PNPLA1: variants seen among roughly 807,000 people sequenced by gnomAD.
PNPLA1 encodes the protein patatin like domain 1, omega-hydroxyceramide transacylase.
A neutral mutation model predicts 51.7 loss-of-function variants in PNPLA1; 36 were observed. The observed-to-expected ratio is 0.70, with a 90% CI of 0.53 to 0.92. PNPLA1 has a LOEUF of 0.92. Ranked by LOEUF, PNPLA1 falls within the 40% of genes least tolerant of loss-of-function variation. The pLI is 0.00. For missense variants in PNPLA1, 658 were observed against 682.5 expected, an observed-to-expected ratio of 0.96 and a Z score of 0.40; for synonymous variants, 293 against 280.1, an observed-to-expected ratio of 1.05 and a Z score of -0.46.
At chr6:36,298,493 C>T (rs1770927667) in intron 5 of PNPLA1, among the ~76,000 whole-genome samples, 1 of 152,176 alleles carries the variant, frequency 6.6e-6, no homozygotes, top group Non-Finnish European at 1.5e-5. Flanking sequence ...TATTGTTGTG[C>T]AGCAGATCTC....
chr6:36,266,796 A>G (rs1483902939), upstream of PNPLA1, among the ~76,000 whole-genome samples: 4 of 152,234 alleles, frequency 2.6e-5, no homozygotes, highest in East Asian at 3.8e-4. Context: ...TTAGGCCTCA[A>G]TTAGATTCAG....
At chr6:36,259,893 GACAGGATCAGTTGTACCCCAA>G (rs1422006773) in intron 1 of PNPLA1, among the ~76,000 whole-genome samples, 1 of 152,146 alleles carries the variant, frequency 6.6e-6, no homozygotes, top group Non-Finnish European at 1.5e-5. Context: ...GTACCTGGGT[GACAGGATCAGTTGTACCCCAA>G]ACCTCAGCAT....
chr6:36,309,063 A>C (rs1000998109), intron 8 of PNPLA1, among the ~76,000 whole-genome samples: 9 of 152,102 alleles, frequency 5.9e-5, no homozygotes, highest in African/African-American at 2.2e-4. Flanking sequence ...TCTTGTCCCA[A>C]GTGGGGTCCC....
In PNPLA1 at chr6:36,306,374, A is replaced by G; in HGVS notation, c.1467A>G (p.Val489=). The G allele has an allele frequency of 6.2e-7, 1 of 1,609,974 alleles. No homozygotes were observed. The highest frequency in any genetic ancestry group is 8.5e-7 in the Non-Finnish European group (1 of 1,178,606). The change falls in exon 7 of 9, where the codon GTA becomes GTG. Residue 489 remains valine (V), a splice_region_variant and synonymous_variant. Transcript: ENST00000636260. ...AGGAAACCGTCAGCAAGCCTTATGT[A>G]ACGTAAGTTTCCCCTTCGTGGAGCA... ...HVKETVSKPY[V]TESPAEDSNW... is the part of the protein sequence containing the mutation.
chr6:36,303,081 T>C (rs1435539758), intron 6 of PNPLA1, among the ~76,000 whole-genome samples: 1 of 152,108 alleles, frequency 6.6e-6, no homozygotes, highest in East Asian at 1.9e-4. Context: ...AAATTACTAG[T>C]TTGTTATAGA....
At chr6:36,280,224 A>G (rs1358679091) in intron 1 of PNPLA1, among the ~76,000 whole-genome samples, 1 of 152,184 alleles carries the variant, frequency 6.6e-6, no homozygotes, top group East Asian at 1.9e-4. Context: ...AAACAAAAAC[A>G]TAGATGACTG....
At chr6:36,259,562 T>G (rs2127317282) in intron 1 of PNPLA1, among the ~76,000 whole-genome samples, 1 of 152,186 alleles carries the variant, frequency 6.6e-6, no homozygotes, top group South Asian at 2.1e-4. Flanking sequence ...ACTATCAGTT[T>G]CAAGATCCAA....
chr6:36,262,234 C>G (rs1769666096), intron 1 of PNPLA1, among the ~76,000 whole-genome samples: 1 of 151,570 alleles, frequency 6.6e-6, no homozygotes, highest in South Asian at 2.1e-4. Flanking sequence ...CCCTGTCCCC[C>G]ACCTCGTCCC....
rs201982124 is a variant in PNPLA1 at position 36,302,507 on chromosome 6, C to G, written c.1384+38C>G. On this transcript the variant is annotated intron_variant, in intron 6 of 8. Transcript: ENST00000636260. ...CTGGCTTGTTATGACTTTCTCATGC[C>G]TGGAGCCCCTTGGCAAGCGAGCAAG... 204 of 1,513,110 alleles carry G rather than the reference C, an allele frequency of 1.3e-4. No individual in the cohort carries two copies. The African/African-American group carries it at 2.6e-3, about 19-fold the overall frequency. The allele number at this position is 1,513,110 out of a possible 1,614,324, so 93.7% of individuals were successfully genotyped here.
rs145936476 is a variant in PNPLA1, at chr6:36,262,616, C to A, written c.-81+19355C>A. 1.2e-4 allele frequency among the ~76,000 whole-genome samples: 19 copies of A among 152,304 alleles called. No individual in the cohort carries two copies. In the South Asian group the frequency reaches 2.1e-3, roughly 17 times the overall value. On this transcript the variant is annotated intron_variant, in intron 1 of 7. Coordinates refer to the PNPLA1 transcript ENST00000312917. Reference sequence around the variant, plus strand: ...CTTCCTCAGAAGTAACCATCCTCAGCGGTTTTATTTCTGAAATGTTACATG... The same window carrying A: ...CTTCCTCAGAAGTAACCATCCTCAGAGGTTTTATTTCTGAAATGTTACATG...
chr6:36,244,073 C>G (rs1053348879), intron 1 of PNPLA1, among the ~76,000 whole-genome samples: 1 of 152,126 alleles, frequency 6.6e-6, no homozygotes, highest in Admixed American at 6.5e-5. Flanking sequence ...TTCACAAGTC[C>G]GTCTGATTCT....
rs1472609032 is a variant in PNPLA1 at position 36,313,690 on chromosome 6, G to A, written c.*1804G>A. ...AGCAGCTGGAGGTGTGTACTGTGGG[G>A]GAGACTGACTAGAGAGGCCCGCCCG... is the stretch of plus-strand genomic sequence containing the variant. On this transcript the variant is annotated 3_prime_UTR_variant, in exon 9 of 9. Transcript: ENST00000636260. Among the ~76,000 whole-genome samples, 7 of 152,160 alleles carry A rather than the reference G, an allele frequency of 4.6e-5. No individual in the cohort carries two copies. Among genetic ancestry groups the A allele is most frequent in the African/African-American group, 4.8e-5 (2 of 41,422 alleles).
chr6:36,284,735 G>A (rs1770429393), intron 1 of PNPLA1, among the ~76,000 whole-genome samples: 1 of 152,134 alleles, frequency 6.6e-6, no homozygotes, highest in Non-Finnish European at 1.5e-5. Flanking sequence ...AGTGTTTTGG[G>A]GGCTACCTTC....
chr6:36,248,147 A>G (rs1184090081), intron 1 of PNPLA1, among the ~76,000 whole-genome samples: 1 of 152,166 alleles, frequency 6.6e-6, no homozygotes, highest in African/African-American at 2.4e-5. Context: ...GTTTGGTGTA[A>G]TCCACACCGA....
chr6:36,257,100 G>T (rs141464730), intron 1 of PNPLA1, among the ~76,000 whole-genome samples: 3 of 152,162 alleles, frequency 2.0e-5, no homozygotes, highest in Admixed American at 2.0e-4. Context: ...GGTGAAATAT[G>T]TGGGGAGGGG....
In PNPLA1 at chr6:36,246,506, C is replaced by T. The variant is rs147799219; in HGVS notation, c.-81+3245C>T. The stretch of plus-strand genomic sequence containing the variant: ...TGTGAGCCATGGTGCCCGGCCAGAT[C>T]CCGTGTCCTTAACTCCTCCTATCAA... On this transcript the variant is annotated intron_variant, in intron 1 of 7. Coordinates refer to the PNPLA1 transcript ENST00000312917. Among the ~76,000 whole-genome samples, 637 of 152,256 alleles carry T rather than the reference C, an allele frequency of 4.2e-3. 4 individuals are homozygous for T. The highest frequency in any genetic ancestry group is 6.8e-3 in the Middle Eastern group (2 of 294).
At chr6:36,284,031 C>T (rs1410575856) in intron 1 of PNPLA1, among the ~76,000 whole-genome samples, 1 of 152,256 alleles carries the variant, frequency 6.6e-6, no homozygotes, top group East Asian at 1.9e-4. Flanking sequence ...TGCATTCCCT[C>T]TCTGCCTGTT....
At chr6:36,261,607 C>G (rs188200249) in intron 1 of PNPLA1, among the ~76,000 whole-genome samples, 38 of 152,368 alleles carry the variant, frequency 2.5e-4, no homozygotes, top group Non-Finnish European at 3.4e-4. Flanking sequence ...ATATCACAGT[C>G]TTAGGGCCCA....
At chr6:36,250,051 G>T (rs1769387376) in intron 1 of PNPLA1, among the ~76,000 whole-genome samples, 1 of 152,180 alleles carries the variant, frequency 6.6e-6, no homozygotes, top group African/African-American at 2.4e-5. Context: ...CTCCTCATTT[G>T]CAGTGAACGC....
Sources: allele counts gnomAD v4.1 joint callset (sites outside exome capture counted in the v4.1 genomes callset), GRCh38; gene constraint gnomAD v4.1.1; transcripts MANE v1.5; gene names NCBI Gene and HGNC (gene_info 2026-07-23, HGNC 2026-07-21).